The following MDP1 variants were observed in gnomAD, a reference collection of about 807,000 sequenced individuals.
MDP1 encodes the protein magnesium dependent phosphatase 1, also known as magnesium-dependent phosphatase 1.
A neutral mutation model predicts 21.6 loss-of-function variants in MDP1; 18 were observed. The observed-to-expected ratio is 0.83, with a 90% CI of 0.58 to 1.24. MDP1 has a LOEUF of 1.24. MDP1 is among the 50% of genes most tolerant of loss of function. The probability of loss-of-function intolerance (pLI) is 0.00; values close to 1 mark genes in which losing one functional copy is unlikely to be tolerated. For synonymous variants in MDP1, 101 were observed against 83.2 expected (o/e 1.21, Z -1.16); for missense variants, 207 against 218.6 (o/e 0.95, Z 0.33).
chr14:24,215,049 A>G (rs960590879), intron 3 of MDP1, among the ~76,000 whole-genome samples: 2 of 143,402 alleles, frequency 1.4e-5, no homozygotes, highest in Non-Finnish European at 3.0e-5. Context: ...AAATGCTAAG[A>G]TTACAGGTGT....
chr14:24,215,746 T>G lies in MDP1; in HGVS notation c.89A>C (p.His30Pro). ...WVDTHVDPPF[H>P]KSSDGTVRDR... ...CCTGTCCCTACCTCACCTGCTCTTA[T>G]GGAACGGAGGGTCTACGTGCGTGTC... Residue 30 changes from histidine to proline, a missense_variant, in exon 2 of 6, where the codon CAT becomes CCT. His to Pro is a moderately conservative substitution (Grantham distance 77). Coordinates refer to ENST00000288087, the MANE Select transcript of MDP1 (RefSeq NM_138476.4). 1 of 1,614,150 alleles carries G rather than the reference T, an allele frequency of 6.2e-7. No individual in the cohort carries two copies. The highest frequency in any genetic ancestry group is 8.5e-7 in the Non-Finnish European group (1 of 1,180,020).
Position 24,214,057 on chromosome 14 carries a change from C to T in MDP1, c.498G>A (p.Arg166=). ...CAAATGGGCTCTCCTCAAGGCTGGA[C>T]CTCAAAGGCCCAGTTTGGGCCTTCG... ...TFAKAQTGPL[R]SSLEESPFEA is the part of the protein sequence containing the mutation. Residue 166 remains arginine, a synonymous_variant, in exon 6 of 6, where the codon AGG becomes AGA. Coordinates refer to ENST00000288087, the MANE Select transcript of MDP1 (RefSeq NM_138476.4). 2 of 1,600,684 alleles carry T rather than the reference C, an allele frequency of 1.2e-6. No individual in the cohort carries two copies. The highest frequency in any genetic ancestry group is 1.7e-5 in the Admixed American group (1 of 58,192).
At position 24,215,965 on chromosome 14, in the gene MDP1, CG is replaced by C; in HGVS notation, c.-11del. The C allele has an allele frequency of 6.2e-7, 1 of 1,614,132 alleles. No individual in the cohort carries two copies. Among genetic ancestry groups the C allele is most frequent in the Non-Finnish European group, 8.5e-7 (1 of 1,180,018 alleles). ...TCGGTAGCCGCGCCATGACCCGCAC[CG>C]CAGGCTGCGCGCAGCAGAGGTGGGG... On this transcript the variant is annotated 5_prime_UTR_variant, in exon 1 of 6. Coordinates refer to ENST00000288087, the MANE Select transcript of MDP1 (RefSeq NM_138476.4).
chr14:24,214,392 CA>C lies in MDP1; in HGVS notation c.320del (p.Leu107CysfsTer12). The C allele has an allele frequency of 6.2e-7, 1 of 1,614,200 alleles. No homozygotes were observed. The highest frequency in any genetic ancestry group is 1.3e-5 in the African/African-American group (1 of 75,044). ...PGSKITHFERLQQKTGIPFSQ... is the reference protein window; with the variant it reads ...PGSKITHFERXQQKTGIPFSQ... ...AGAAAGGAATTCCAGTCTTCTGCTG[CA>C]ACCTATTCAAGACAGGGCAGGAGTA... On this transcript the variant is annotated frameshift_variant and splice_region_variant, in exon 5 of 6. Transcript: ENST00000288087. LOFTEE classifies it high-confidence loss of function.
chr14:24,215,964 C>A lies in MDP1; in HGVS notation c.-9G>T. 1 of 1,614,148 alleles carries A rather than the reference C, an allele frequency of 6.2e-7. No homozygotes were observed. The highest frequency in any genetic ancestry group is 8.5e-7 in the Non-Finnish European group (1 of 1,180,024). On this transcript the variant is annotated 5_prime_UTR_variant, in exon 1 of 6. Coordinates refer to ENST00000288087, the MANE Select transcript of MDP1 (RefSeq NM_138476.4). ...TTCGGTAGCCGCGCCATGACCCGCA[C>A]CGCAGGCTGCGCGCAGCAGAGGTGG...
Position 24,214,326 on chromosome 14 carries a change from T to C in MDP1, c.387A>G (p.Val129=). ...IFFDDERRNI[V]DVSKLGVTCI... is the part of the protein sequence containing the mutation. ...ACTCAGTACCCAGTTTGCTGACGTC[T>C]ACAATATTCCGCCTCTCATCATCAA... is the stretch of plus-strand genomic sequence containing the variant. Residue 129 remains valine (V), a synonymous_variant, in exon 5 of 6, where the codon GTA becomes GTG. Coordinates refer to ENST00000288087, the MANE Select transcript of MDP1 (RefSeq NM_138476.4). 6.2e-7 allele frequency: 1 copy of C among 1,614,210 alleles called. No homozygotes were observed. Among genetic ancestry groups the C allele is most frequent in the Non-Finnish European group, 8.5e-7 (1 of 1,180,032 alleles).
At position 24,215,928 on chromosome 14, in the gene MDP1, A is replaced by G. The variant is rs774886250; in HGVS notation, c.28T>C (p.Phe10Leu). Reference sequence around the variant, plus strand: ...CCTTCCCGTCCCTCACCCAAATCAAAGACTGCCAGCTTCGGTAGCCGCGCC... The same window carrying G: ...CCTTCCCGTCCCTCACCCAAATCAAGGACTGCCAGCTTCGGTAGCCGCGCC... MARLPKLAV[F>L]DLDYTLWPFW... Residue 10 changes from phenylalanine (F) to leucine (L), a missense_variant, in exon 1 of 6, where the codon TTT becomes CTT. Transcript: ENST00000288087. 1.2e-6 allele frequency: 2 copies of G among 1,614,176 alleles called. No homozygotes were observed. Among genetic ancestry groups the G allele is most frequent in the South Asian group, 2.2e-5 (2 of 91,078 alleles).
intron 1 of MDP1, 50 bp from the exon 2 acceptor site, chr14:24,215,847 G>A (rs976308688): frequency 6.2e-7 from 1 of 1,613,916 alleles, no homozygotes; most frequent in Non-Finnish European, 8.5e-7. Flanking sequence ...GAGATGCAGG[G>A]ATTCGGGAGC....
chr14:24,214,941 ATT>A (rs11428547), intron 3 of MDP1, among the ~76,000 whole-genome samples: 11 of 137,040 alleles, frequency 8.0e-5, no homozygotes, highest in African/African-American at 3.0e-4. Flanking sequence ...CGCCACTACA[ATT>A]TTTTTTTTTT....
In MDP1 at chr14:24,215,759, C is replaced by CT; in HGVS notation, c.75dup (p.Asp26ArgfsTer6). The CT allele has an allele frequency of 6.2e-7, 1 of 1,614,214 alleles. No homozygotes were observed. Among genetic ancestry groups the CT allele is most frequent in the Non-Finnish European group, 8.5e-7 (1 of 1,180,050 alleles). ...CACCTGCTCTTATGGAACGGAGGGT[C>CT]TACGTGCGTGTCGACCCAGAAAGGC... On this transcript the variant is annotated frameshift_variant, in exon 2 of 6. Coordinates refer to ENST00000288087, the MANE Select transcript of MDP1 (RefSeq NM_138476.4). LOFTEE classifies it high-confidence loss of function.
In MDP1 at chr14:24,215,599, G is replaced by T; in HGVS notation, c.162C>A (p.Val54=). The T allele has an allele frequency of 6.2e-7, 1 of 1,614,108 alleles. No homozygotes were observed. Among genetic ancestry groups the T allele is most frequent in the Non-Finnish European group, 8.5e-7 (1 of 1,180,036 alleles). Residue 54 remains valine, a synonymous_variant, in exon 3 of 6, where the codon GTC becomes GTA. Transcript: ENST00000288087. ...CCCCAAGGCTCTGCAATCGTTTTAG[G>T]ACCTCAGGCACCTCTGGGTACAGTC... ...DVRLYPEVPE[V]LKRLQSLGVP... is the part of the protein sequence containing the mutation.
rs2039631092 is a variant in MDP1, at chr14:24,214,105, T to TA, written c.449dup (p.Ser151LysfsTer20). On this transcript the variant is annotated frameshift_variant, in exon 6 of 6. Transcript: ENST00000288087. LOFTEE classifies it high-confidence loss of function. ...TCGCAAATGTCTCTAACCCTTGACT[T>TA]AGAGTTTGAAGATTCATTCCATTCT... The TA allele has an allele frequency of 2.5e-6, 4 of 1,613,724 alleles. No homozygotes were observed. The highest frequency in any genetic ancestry group is 3.4e-6 in the Non-Finnish European group (4 of 1,179,830).
intron 5 of MDP1, 33 bp downstream of exon 5, chr14:24,214,277 G>T (rs1594473641): frequency 6.2e-7 from 1 of 1,614,066 alleles, no homozygotes; most frequent in East Asian, 2.2e-5. Flanking sequence ...CCCTCCTAGG[G>T]ACCCCAAATG....
At chr14:24,215,465 G>A (rs976279719) in intron 3 of MDP1, 87 bp downstream of exon 3, 4 of 1,361,924 alleles carry the variant, frequency 2.9e-6, no homozygotes, top group Non-Finnish European at 4.1e-6. Context: ...AACTTGCACC[G>A]CCCCTATTTT....
chr14:24,214,941 A>AC (rs2039652467), intron 3 of MDP1, among the ~76,000 whole-genome samples: 1 of 137,030 alleles, frequency 7.3e-6, no homozygotes, highest in Non-Finnish European at 1.6e-5. Context: ...CGCCACTACA[A>AC]TTTTTTTTTT....
At chr14:24,214,739 T>A in intron 3 of MDP1, 140 bp from the exon 4 acceptor site, 1 of 857,668 alleles carries the variant, frequency 1.2e-6, no homozygotes, top group Non-Finnish European at 1.8e-6. Flanking sequence ...AGCCTCTGTT[T>A]AACTCCATTG....
At chr14:24,214,851 C>T (rs1312061698) in intron 3 of MDP1, among the ~76,000 whole-genome samples, 1 of 152,010 alleles carries the variant, frequency 6.6e-6, no homozygotes. Flanking sequence ...GACCCAATCA[C>T]GGCTCACTGT....
In MDP1 at chr14:24,215,081, CTTTTTTTTTT is replaced by C. The variant is rs907932145; in HGVS notation, c.209+461_209+470del. Among the ~76,000 whole-genome samples the C allele has an allele frequency of 1.6e-4, 18 of 111,274 alleles. No individual in the cohort carries two copies. In the East Asian group the frequency reaches 4.0e-3, roughly 25 times the overall value. 73.0% of individuals were successfully genotyped at this position (111,274 alleles called of 152,430 possible). A position where few individuals can be genotyped will look rare whatever the true frequency, so the allele number is the denominator to read the frequency against. Reference sequence around the variant, plus strand: ...GTGTGAGTCACTGTGTCTGGCCCCACTTTTTTTTTTTTTTTTTTTTTTGAGACATTGTCTC... The same window carrying C: ...GTGTGAGTCACTGTGTCTGGCCCCACTTTTTTTTTTTTGAGACATTGTCTC... On this transcript the variant is annotated intron_variant, in intron 3 of 5. Coordinates refer to ENST00000288087, the MANE Select transcript of MDP1 (RefSeq NM_138476.4).
At position 24,215,972 on chromosome 14, in the gene MDP1, T is replaced by A. The variant is rs528782078; in HGVS notation, c.-17A>T. ...CCGCGCCATGACCCGCACCGCAGGC[T>A]GCGCGCAGCAGAGGTGGGGCTTCAC... On this transcript the variant is annotated 5_prime_UTR_variant, in exon 1 of 6. Transcript: ENST00000288087. 6.2e-7 allele frequency: 1 copy of A among 1,614,104 alleles called. No individual in the cohort carries two copies. Among genetic ancestry groups the A allele is most frequent in the South Asian group, 1.1e-5 (1 of 91,080 alleles).
Sources: allele counts gnomAD v4.1 joint callset (sites outside exome capture counted in the v4.1 genomes callset), GRCh38; gene constraint gnomAD v4.1.1; transcripts MANE v1.5; gene names NCBI Gene and HGNC (gene_info 2026-07-23, HGNC 2026-07-21).